The following ZNF12 variants were observed in gnomAD, a reference collection of about 807,000 sequenced individuals.
ZNF12 encodes gonadotropin inducible transcription repressor 3.
In ZNF12, 34 loss-of-function variants were observed where a neutral mutation model predicts 66.6. That is an observed-to-expected ratio of 0.51 (90% CI 0.39 to 0.68). The LOEUF is 0.68. ZNF12 is among the 30% of genes least tolerant of loss of function. ZNF12 has a pLI of 0.00. For missense variants in ZNF12, 697 were observed against 826.9 expected (o/e 0.84, Z 1.93); for synonymous variants, 320 against 278.9 (o/e 1.15, Z -1.47).
rs752508647 is a variant in ZNF12, at chr7:6,692,236, T to C, written c.706A>G (p.Met236Val). ...FQKDTVFVNH[M>V]EEKPYKWNGS... ...TTCCACTTATAGGGCTTTTCTTCCATGTGATTAACAAAAACAGTGTCCTTT... is the reference window on the plus strand; with the variant it reads ...TTCCACTTATAGGGCTTTTCTTCCACGTGATTAACAAAAACAGTGTCCTTT... Residue 236 changes from methionine to valine, a missense_variant, in exon 5 of 5, where the codon ATG becomes GTG. By Grantham distance (21) the Met-to-Val change is conservative. This residue lies in a region of ZNF12 where 241 missense variants were observed against 224.0 expected (regional missense o/e 1.08). Coordinates refer to ENST00000405858, the MANE Select transcript of ZNF12 (RefSeq NM_016265.4). The surrounding 1 kb of genome is among the most constrained non-coding windows in gnomAD (Gnocchi z 5.1). 4 of 1,613,930 alleles carry C rather than the reference T, an allele frequency of 2.5e-6. No homozygotes were observed. The highest frequency in any genetic ancestry group is 2.2e-5 in the East Asian group (1 of 44,878).
intron 2 of ZNF12, among the ~76,000 whole-genome samples, chr7:6,703,466 G>T (rs17789894): frequency 0.11 from 15,987 of 152,136 alleles, 993 homozygotes; most frequent in Middle Eastern, 0.15. Context: ...CAATCGCGAG[G>T]TCAGAAAATG....
rs1780337517 is a variant in ZNF12, at chr7:6,705,370, T to C, written c.-50-147A>G. ...TAAGCCTTCAGAAGGGATTGGAAAA[T>C]GATCAGGAGGGGGACCGATCTGCAC... On this transcript the variant is annotated intron_variant, in intron 1 of 4. Coordinates refer to ENST00000405858, the MANE Select transcript of ZNF12 (RefSeq NM_016265.4). This position sits in a 1 kb window ranked among gnomAD's most constrained non-coding sequence, Gnocchi z 4.0. 1.7e-6 allele frequency: 1 copy of C among 595,370 alleles called. No homozygotes were observed. Among genetic ancestry groups the C allele is most frequent in the African/African-American group, 1.9e-5 (1 of 53,312 alleles). 36.9% of individuals were successfully genotyped at this position (595,370 alleles called of 1,614,324 possible). A position where few individuals can be genotyped will look rare whatever the true frequency, so the allele number is the denominator to read the frequency against.
At chr7:6,706,269 G>A (rs1045897368) in intron 1 of ZNF12, among the ~76,000 whole-genome samples, 163 bp downstream of exon 1, 6 of 152,038 alleles carry the variant, frequency 3.9e-5, no homozygotes, top group Admixed American at 2.6e-4. Context: ...CACCCCCCAC[G>A]CCCCCGTAAG....
rs539067870 is a variant in ZNF12, at chr7:6,692,785, A to C, written c.239-82T>G. ...GGAATGAGATTCATGATTTGTACAC[A>C]CGCATCTCATTGTGAGTAGATGCTA... On this transcript the variant is annotated intron_variant, in intron 4 of 4. Coordinates refer to ENST00000405858, the MANE Select transcript of ZNF12 (RefSeq NM_016265.4). The surrounding 1 kb of genome is among the most constrained non-coding windows in gnomAD (Gnocchi z 5.1). The C allele has an allele frequency of 2.0e-5, 27 of 1,346,526 alleles. No individual in the cohort carries two copies. The highest frequency in any genetic ancestry group is 1.0e-4 in the Admixed American group (4 of 39,976). 83.4% of individuals were successfully genotyped at this position (1,346,526 alleles called of 1,614,324 possible).
rs747144856 is a variant in ZNF12, at chr7:6,691,283, T to C, written c.1659A>G (p.Ile553Met). ...ACATCTGAGAGAAGAATTTTCCACATATATAGCATTCATAGGGCTTCTCTC... is the reference window on the plus strand; with the variant it reads ...ACATCTGAGAGAAGAATTTTCCACACATATAGCATTCATAGGGCTTCTCTC... ...HKGEKPYECYICGKFFSQMSY... is the reference protein window; with the variant it reads ...HKGEKPYECYMCGKFFSQMSY... Residue 553 changes from isoleucine (I) to methionine (M), a missense_variant, in exon 5 of 5, where the codon ATA becomes ATG. Physicochemically the swap from Ile to Met is conservative, Grantham distance 10. Coordinates refer to ENST00000405858, the MANE Select transcript of ZNF12 (RefSeq NM_016265.4). 2 of 1,614,030 alleles carry C rather than the reference T, an allele frequency of 1.2e-6. No individual in the cohort carries two copies. The highest frequency in any genetic ancestry group is 1.1e-5 in the South Asian group (1 of 91,070).
chr7:6,699,510 C>G (rs149594072), intron 2 of ZNF12, among the ~76,000 whole-genome samples: 1 of 152,224 alleles, frequency 6.6e-6, no homozygotes, highest in Non-Finnish European at 1.5e-5. Context: ...AGGTGCAGGA[C>G]TGCCCCAGCA....
chr7:6,695,602 A>C (rs1343324920), intron 4 of ZNF12, among the ~76,000 whole-genome samples: 2 of 152,238 alleles, frequency 1.3e-5, no homozygotes, highest in Non-Finnish European at 2.9e-5. Context: ...TAATCAAAGA[A>C]AGAAAGAAAT....
rs1204530956 is a variant in ZNF12, at chr7:6,688,885, A to G, written c.*1963T>C. ...TTAGAAAAAAGGAGGTATGCCTAACATTGTGTCACGTTCCAAAGGTGAATT... is the reference window on the plus strand; with the variant it reads ...TTAGAAAAAAGGAGGTATGCCTAACGTTGTGTCACGTTCCAAAGGTGAATT... On this transcript the variant is annotated 3_prime_UTR_variant, in exon 5 of 5. Transcript: ENST00000405858. The surrounding 1 kb of genome is among the most constrained non-coding windows in gnomAD (Gnocchi z 4.3). 1 of 152,644 alleles carries G rather than the reference A, an allele frequency of 6.6e-6. No individual in the cohort carries two copies. The highest frequency in any genetic ancestry group is 1.5e-5 in the Non-Finnish European group (1 of 68,044). 9.5% of individuals were successfully genotyped at this position (152,644 alleles called of 1,614,324 possible). A position where few individuals can be genotyped will look rare whatever the true frequency, so the allele number is the denominator to read the frequency against.
At position 6,706,486 on chromosome 7, in the gene ZNF12, T is replaced by A. The variant is rs562852666; in HGVS notation, c.-105A>T. 3.2e-5 allele frequency: 15 copies of A among 473,412 alleles called. No homozygotes were observed. Among genetic ancestry groups the A allele is most frequent in the South Asian group, 1.5e-4 (10 of 65,832 alleles). The allele number at this position is 473,412 out of a possible 1,614,324, so 29.3% of individuals were successfully genotyped here. ...CCGCTCCCGACAGGCCGGGGCGGGATTGCTGTCGCGGGCGCGCGTCTGCTC... is the reference window on the plus strand; with the variant it reads ...CCGCTCCCGACAGGCCGGGGCGGGAATGCTGTCGCGGGCGCGCGTCTGCTC... On this transcript the variant is annotated 5_prime_UTR_variant, in exon 1 of 5. Transcript: ENST00000405858.
In ZNF12 at chr7:6,706,496, G is replaced by C; in HGVS notation, c.-115C>G. 2.1e-6 allele frequency: 1 copy of C among 471,344 alleles called. No homozygotes were observed. Among genetic ancestry groups the C allele is most frequent in the South Asian group, 1.5e-5 (1 of 65,674 alleles). The allele number at this position is 471,344 out of a possible 1,614,324, so 29.2% of individuals were successfully genotyped here. On this transcript the variant is annotated 5_prime_UTR_variant, in exon 1 of 5. Coordinates refer to ENST00000405858, the MANE Select transcript of ZNF12 (RefSeq NM_016265.4). ...CAGGCCGGGGCGGGATTGCTGTCGC[G>C]GGCGCGCGTCTGCTCGCGAGGTCCC...
rs758419098 is a variant in ZNF12 at position 6,691,242 on chromosome 7, T to C, written c.1700A>G (p.His567Arg). 6.2e-7 allele frequency: 1 copy of C among 1,614,154 alleles called. No individual in the cohort carries two copies. Among genetic ancestry groups the C allele is most frequent in the Non-Finnish European group, 8.5e-7 (1 of 1,179,996 alleles). The stretch of plus-strand genomic sequence containing the variant: ...CTTCTCTCCTGAATGAATTCTATGA[T>C]GTATAGTGAGGTATGACATCTGAGA... ...FFSQMSYLTIHHRIHSGEKPY... is the reference protein window; with the variant it reads ...FFSQMSYLTIRHRIHSGEKPY... The change falls in exon 5 of 5, where the codon CAT becomes CGT. Residue 567 changes from histidine to arginine, a missense_variant. This residue lies in a region of ZNF12 where 401 missense variants were observed against 519.0 expected (regional missense o/e 0.77). Transcript: ENST00000405858.
At chr7:6,706,235 A>G (rs1451457993) in intron 1 of ZNF12, among the ~76,000 whole-genome samples, 197 bp downstream of exon 1, 1 of 152,170 alleles carries the variant, frequency 6.6e-6, no homozygotes, top group Non-Finnish European at 1.5e-5. Context: ...GAGTGGAGAC[A>G]ACGTCCGCAG....
At chr7:6,703,740 G>A (rs1247691318) in intron 2 of ZNF12, among the ~76,000 whole-genome samples, 1 of 152,178 alleles carries the variant, frequency 6.6e-6, no homozygotes, top group Non-Finnish European at 1.5e-5. Flanking sequence ...GTACAGAGTC[G>A]TGAGCCAAGA....
chr7:6,700,288 G>GAA (rs746625308), intron 2 of ZNF12, among the ~76,000 whole-genome samples: 7 of 105,632 alleles, frequency 6.6e-5, no homozygotes, highest in African/African-American at 1.3e-4. Flanking sequence ...CCGTCTGAGA[G>GAA]GAAAAAAAAA....
intron 4 of ZNF12, among the ~76,000 whole-genome samples, chr7:6,694,666 C>T (rs1221986672): frequency 6.6e-6 from 1 of 152,176 alleles, no homozygotes; most frequent in Non-Finnish European, 1.5e-5. Context: ...ATGCCCAGCA[C>T]ATTTCACCTA....
intron 2 of ZNF12, among the ~76,000 whole-genome samples, chr7:6,700,336 C>CACAT (rs59783256): frequency 1.9e-4 from 27 of 143,070 alleles, no homozygotes; most frequent in East Asian, 1.2e-3. Flanking sequence ...CACACACACA[C>CACAT]ATATATATAC....
rs199636323 is a variant in ZNF12, at chr7:6,692,720, T to C, written c.239-17A>G. 1.3e-6 allele frequency: 2 copies of C among 1,539,110 alleles called. No individual in the cohort carries two copies. The highest frequency in any genetic ancestry group is 1.4e-5 in the African/African-American group (1 of 72,024). On this transcript the variant is annotated splice_polypyrimidine_tract_variant and intron_variant, in intron 4 of 4. Coordinates refer to ENST00000405858, the MANE Select transcript of ZNF12 (RefSeq NM_016265.4). The surrounding 1 kb of genome is among the most constrained non-coding windows in gnomAD (Gnocchi z 5.1). ...AGACTTCATCTAAAGAGAGACAAAA[T>C]TAATAAACTTTTGTACATCTTCCTA...
In ZNF12 at chr7:6,697,628, T is replaced by A. The variant is rs1780173197; in HGVS notation, c.142+57A>T. 6.2e-7 allele frequency: 1 copy of A among 1,607,234 alleles called. No individual in the cohort carries two copies. The highest frequency in any genetic ancestry group is 2.2e-5 in the East Asian group (1 of 44,804). On this transcript the variant is annotated intron_variant, in intron 3 of 4. Coordinates refer to ENST00000405858, the MANE Select transcript of ZNF12 (RefSeq NM_016265.4). The surrounding 1 kb of genome is among the most constrained non-coding windows in gnomAD (Gnocchi z 6.1). ...CCCATCAAATTTTAAGTTAAAGTCA[T>A]AAAATTTGTGAGAAATCCCATATAT...
At position 6,695,637 on chromosome 7, in the gene ZNF12, C is replaced by T. The variant is rs188785420; in HGVS notation, c.238+1702G>A. ...TATCTCTCTCTGTTACACACTACAT[C>T]AAGGGATAACATGCCCCTTTCCTTA... is the stretch of plus-strand genomic sequence containing the variant. On this transcript the variant is annotated intron_variant, in intron 4 of 4. Coordinates refer to ENST00000405858, the MANE Select transcript of ZNF12 (RefSeq NM_016265.4). Among the ~76,000 whole-genome samples, 732 of 152,356 alleles carry T rather than the reference C, an allele frequency of 4.8e-3. 3 individuals are homozygous for T. The highest frequency in any genetic ancestry group is 7.4e-3 in the Non-Finnish European group (505 of 68,036).
Sources: gnomAD v4.1 joint callset for allele counts (sites outside exome capture counted in the v4.1 genomes callset) on GRCh38, gnomAD v4.1.1 for gene constraint, gnomAD v4.1.1 regional missense constraint, Gnocchi (gnomAD v3.1) non-coding constraint, MANE v1.5 for transcripts, NCBI Gene and HGNC (gene_info 2026-07-23, HGNC 2026-07-21) for gene names.